Variants in ROBO2 observed in about 807,000 individuals in gnomAD.
The protein encoded by ROBO2 is roundabout guidance receptor 2, also known as roundabout homolog 2.
ROBO2 carries 53 observed loss-of-function variants against 160.8 expected under a neutral mutation model. The ratio of observed to expected loss-of-function variants is 0.33; its 90% CI spans 0.26 to 0.41. The LOEUF is 0.41. Among genes scored for constraint, ROBO2 ranks in the 10% least tolerant of loss-of-function variants. The pLI, the probability that ROBO2 is intolerant of heterozygous loss-of-function variation, is 1.00. For synonymous variants in ROBO2, 664 were observed against 611.7 expected (o/e 1.09, Z -1.26); for missense variants, 1,577 against 1,722.4 (o/e 0.92, Z 1.49).
At chr3:76,464,189 G>A (rs1210380274) in intron 2 of ROBO2, among the ~76,000 whole-genome samples, 3 of 152,096 alleles carry the variant, frequency 2.0e-5, no homozygotes, top group African/African-American at 4.8e-5. Context: ...CTAAGGAAAG[G>A]CTGAAAGATT....
intron 1 of ROBO2, among the ~76,000 whole-genome samples, chr3:75,913,655 A>G (rs1456794207): frequency 6.6e-6 from 1 of 152,166 alleles, no homozygotes; most frequent in Non-Finnish European, 1.5e-5. Context: ...TATTAATTAA[A>G]CTCATTATTT....
rs182927755 is a variant in ROBO2, at chr3:76,491,323, A to G, written c.109+553721A>G. Among the ~76,000 whole-genome samples the G allele has an allele frequency of 2.6e-5, 4 of 152,252 alleles. No individual in the cohort carries two copies. The East Asian group carries it at 7.7e-4, about 29-fold the overall frequency. ...TAGAGCATATGATCTCCCTTATCCC[A>G]TTCCATGCTCAGTCTTCCTCTCATC... On this transcript the variant is annotated intron_variant, in intron 2 of 26. Transcript: ENST00000487694.
At chr3:76,690,924 G>T (rs751502619) in intron 2 of ROBO2, among the ~76,000 whole-genome samples, 13 of 152,070 alleles carry the variant, frequency 8.5e-5, no homozygotes, top group Non-Finnish European at 1.6e-4. Flanking sequence ...AATATTAACA[G>T]GTGGGTCCTC....
At chr3:76,214,156 G>A (rs1703337282) in intron 2 of ROBO2, among the ~76,000 whole-genome samples, 1 of 152,056 alleles carries the variant, frequency 6.6e-6, no homozygotes, top group African/African-American at 2.4e-5. Context: ...AACTATACTT[G>A]CTCTTCAAAT....
chr3:77,278,611 A>G (rs2060043789), intron 2 of ROBO2, among the ~76,000 whole-genome samples: 1 of 152,178 alleles, frequency 6.6e-6, no homozygotes, highest in African/African-American at 2.4e-5. Context: ...CAATAAACCT[A>G]TAGATACTTT....
At chr3:76,264,589 A>T (rs922734560) in intron 2 of ROBO2, among the ~76,000 whole-genome samples, 7 of 152,134 alleles carry the variant, frequency 4.6e-5, no homozygotes, top group African/African-American at 1.7e-4. Flanking sequence ...TTTCATTGTC[A>T]CAACTTGATG....
At chr3:76,571,391 A>G (rs1331143640) in intron 2 of ROBO2, among the ~76,000 whole-genome samples, 1 of 152,132 alleles carries the variant, frequency 6.6e-6, no homozygotes, top group Non-Finnish European at 1.5e-5. Flanking sequence ...ATCACAAACA[A>G]TAAAATATAG....
intron 2 of ROBO2, among the ~76,000 whole-genome samples, chr3:76,889,045 G>A (rs922950436): frequency 2.0e-5 from 3 of 152,156 alleles, no homozygotes; most frequent in Admixed American, 6.6e-5. Flanking sequence ...CACCACAGTG[G>A]CTCCTGTGTT....
At chr3:77,586,457 C>T (rs528872239) in intron 16 of ROBO2, among the ~76,000 whole-genome samples, 3 of 152,182 alleles carry the variant, frequency 2.0e-5, no homozygotes, top group South Asian at 4.2e-4. Context: ...TTTTGTTCTT[C>T]ATTACTCTCC....
chr3:76,635,992 T>C (rs988737044), intron 2 of ROBO2, among the ~76,000 whole-genome samples: 1 of 152,208 alleles, frequency 6.6e-6, no homozygotes, highest in Non-Finnish European at 1.5e-5. Flanking sequence ...GATTATGTTT[T>C]TGTGTTGATG....
chr3:77,022,551 T>C lies in ROBO2; in HGVS notation c.110-75463T>C, dbSNP rs143629909. 1.9e-4 allele frequency among the ~76,000 whole-genome samples: 29 copies of C among 152,342 alleles called. 2 individuals carry two copies. In the East Asian group the frequency reaches 4.8e-3, roughly 25 times the overall value. On this transcript the variant is annotated intron_variant, in intron 2 of 26. Transcript: ENST00000487694. ...CAGAATTCTATAAAGCCATCCATTC[T>C]TCATCAAACTTAAACATAAAAATGG...
chr3:76,900,798 G>C (rs966065959), intron 2 of ROBO2, among the ~76,000 whole-genome samples: 1 of 152,194 alleles, frequency 6.6e-6, no homozygotes, highest in South Asian at 2.1e-4. Flanking sequence ...GTTCCTGTAT[G>C]CAGTGAGAAG....
At chr3:76,285,238 G>A (rs959059529) in intron 2 of ROBO2, among the ~76,000 whole-genome samples, 4 of 152,036 alleles carry the variant, frequency 2.6e-5, no homozygotes, top group Non-Finnish European at 4.4e-5. Context: ...GGTTTTCTAA[G>A]CTATAATTCT....
intron 2 of ROBO2, among the ~76,000 whole-genome samples, chr3:76,827,544 T>C (rs2066693581): frequency 6.6e-6 from 1 of 152,134 alleles, no homozygotes; most frequent in Non-Finnish European, 1.5e-5. Flanking sequence ...GAAACAGAAG[T>C]ATAGAAAGTT....
At chr3:76,126,158 T>C (rs1215149901) in intron 2 of ROBO2, among the ~76,000 whole-genome samples, 2 of 152,134 alleles carry the variant, frequency 1.3e-5, no homozygotes, top group Non-Finnish European at 2.9e-5. Context: ...TTGTCAGTAT[T>C]TGGTAACAAG....
intron 2 of ROBO2, among the ~76,000 whole-genome samples, chr3:76,778,455 C>T (rs1219118094): frequency 6.6e-6 from 1 of 150,984 alleles, no homozygotes; most frequent in African/African-American, 2.4e-5. Context: ...TATCTATTAG[C>T]TAGTGTTCTT....
intron 5 of ROBO2, among the ~76,000 whole-genome samples, chr3:77,503,649 A>G (rs2088001798): frequency 6.6e-6 from 1 of 152,044 alleles, no homozygotes; most frequent in African/African-American, 2.4e-5. Flanking sequence ...TAATTTCCTG[A>G]TAATGTTTGA....
intron 2 of ROBO2, among the ~76,000 whole-genome samples, chr3:76,547,208 T>G (rs2108305095): frequency 6.6e-6 from 1 of 152,180 alleles, no homozygotes; most frequent in South Asian, 2.1e-4. Flanking sequence ...TTCTATAATT[T>G]ACTTGTACTA....
At chr3:77,551,010 T>C (rs751449276) in intron 8 of ROBO2, 21 bp downstream of exon 9, 1 of 1,611,620 alleles carries the variant, frequency 6.2e-7, no homozygotes, top group East Asian at 2.2e-5. Flanking sequence ...TTTACTAGAT[T>C]TGTCTTATGA....
Sources: allele counts gnomAD v4.1 joint callset (sites outside exome capture counted in the v4.1 genomes callset), GRCh38; gene constraint gnomAD v4.1.1; transcripts MANE v1.5; gene names NCBI Gene and HGNC (gene_info 2026-07-23, HGNC 2026-07-21).